The following COLQ variants were observed in gnomAD, a reference collection of about 807,000 sequenced individuals.
COLQ encodes collagen like tail subunit of asymmetric acetylcholinesterase.
In COLQ, 48 loss-of-function variants were observed where a neutral mutation model predicts 69.0. That is an observed-to-expected ratio of 0.70 (90% CI 0.55 to 0.88). COLQ has a LOEUF of 0.88. Ranked by LOEUF, COLQ falls within the 40% of genes least tolerant of loss-of-function variation. The pLI is 0.00. For missense variants in COLQ, 618 were observed against 594.6 expected (o/e 1.04, Z -0.41); for synonymous variants, 217 against 211.2 (o/e 1.03, Z -0.24).
intron 16 of COLQ, among the ~76,000 whole-genome samples, 170 bp from the exon 17 acceptor site, chr3:15,451,883 C>T (rs1254767293): frequency 3.3e-5 from 5 of 152,070 alleles, no homozygotes; most frequent in African/African-American, 1.2e-4. Flanking sequence ...GGGATTTTTG[C>T]CTTGAGGTCT....
Position 15,470,631 on chromosome 3 carries a change from A to C in COLQ, c.637-15T>G. ...CCCATTTCACCCTGGAAAGAAGGAA[A>C]GAGAAGCAAGAGAGGACTTAGGGCA... On this transcript the variant is annotated splice_polypyrimidine_tract_variant and intron_variant, in intron 10 of 16. Coordinates refer to ENST00000383788, the MANE Select transcript of COLQ (RefSeq NM_005677.4). 6.2e-7 allele frequency: 1 copy of C among 1,613,452 alleles called. No individual in the cohort carries two copies. The highest frequency in any genetic ancestry group is 1.1e-5 in the South Asian group (1 of 91,058).
chr3:15,478,033 G>A (rs2062410441), intron 5 of COLQ, among the ~76,000 whole-genome samples: 1 of 152,182 alleles, frequency 6.6e-6, no homozygotes. Flanking sequence ...GAGATGTGAA[G>A]GGCTCAGCCC....
chr3:15,459,646 T>C (rs1869854), intron 12 of COLQ, among the ~76,000 whole-genome samples: 2,957 of 151,850 alleles, frequency 0.019, 90 homozygotes, highest in African/African-American at 0.066. Context: ...GTTTGGCTAA[T>C]TTTTGTGTTT....
intron 1 of COLQ, among the ~76,000 whole-genome samples, chr3:15,511,513 T>C (rs553531606): frequency 6.6e-6 from 1 of 152,124 alleles, no homozygotes; most frequent in East Asian, 1.9e-4. Context: ...ATCCTCACTT[T>C]CTACTGGCAG....
intron 11 of COLQ, among the ~76,000 whole-genome samples, chr3:15,469,746 G>A (rs1164719600): frequency 1.3e-5 from 2 of 152,190 alleles, no homozygotes; most frequent in East Asian, 1.9e-4. Flanking sequence ...TAGGCACTGG[G>A]GATGAGGAGT....
At chr3:15,509,749 G>A (rs1474965612) in intron 1 of COLQ, among the ~76,000 whole-genome samples, 2 of 152,176 alleles carry the variant, frequency 1.3e-5, no homozygotes, top group African/African-American at 2.4e-5. Context: ...TGATATCCAA[G>A]GTCCTGTGGA....
chr3:15,452,830 G>A (rs952443320), intron 16 of COLQ, among the ~76,000 whole-genome samples: 2 of 152,202 alleles, frequency 1.3e-5, no homozygotes, highest in Non-Finnish European at 2.9e-5. Context: ...GCTAATATCT[G>A]AGTGTTAGGG....
intron 1 of COLQ, among the ~76,000 whole-genome samples, chr3:15,504,676 T>C (rs2062881344): frequency 6.6e-6 from 1 of 152,146 alleles, no homozygotes; most frequent in Non-Finnish European, 1.5e-5. Flanking sequence ...CTGGCCAACA[T>C]GGTGAAACCC....
chr3:15,463,352 TTTTG>T (rs777109449), intron 12 of COLQ, among the ~76,000 whole-genome samples: 2 of 151,476 alleles, frequency 1.3e-5, no homozygotes, highest in African/African-American at 4.9e-5. Flanking sequence ...GTTTTTTGTT[TTTTG>T]TTTTTTTTGA....
chr3:15,470,098 T>C (rs1418867316), intron 11 of COLQ, among the ~76,000 whole-genome samples: 12 of 152,056 alleles, frequency 7.9e-5, no homozygotes, highest in Admixed American at 7.2e-4. Flanking sequence ...GAGGCCTGAG[T>C]AGGGAAAAAC....
rs1485412674 is a variant in COLQ, at chr3:15,451,315, T to G, written c.*329A>C. The G allele has an allele frequency of 2.1e-6, 1 of 471,638 alleles. No homozygotes were observed. The allele number at this position is 471,638 out of a possible 1,614,324, so 29.2% of individuals were successfully genotyped here. A position where few individuals can be genotyped will look rare whatever the true frequency, so the allele number is the denominator to read the frequency against. On this transcript the variant is annotated 3_prime_UTR_variant, in exon 17 of 17. Coordinates refer to ENST00000383788, the MANE Select transcript of COLQ (RefSeq NM_005677.4). Reference sequence around the variant, plus strand: ...CTGCAGGTCTGTGTGTGTCTAACAGTGCTCAGCCAAGTCCACGGCCTGGGT... The same window carrying G: ...CTGCAGGTCTGTGTGTGTCTAACAGGGCTCAGCCAAGTCCACGGCCTGGGT...
chr3:15,482,273 T>A (rs1012629068), intron 3 of COLQ, among the ~76,000 whole-genome samples: 2 of 152,246 alleles, frequency 1.3e-5, no homozygotes, highest in Non-Finnish European at 2.9e-5. Flanking sequence ...AGAGAGGGCA[T>A]CCCTGTCTTG....
At chr3:15,476,916 C>G (rs908643233) in intron 6 of COLQ, among the ~76,000 whole-genome samples, 2 of 152,212 alleles carry the variant, frequency 1.3e-5, no homozygotes, top group African/African-American at 4.8e-5. Flanking sequence ...TTTCTCCTCC[C>G]ACAGGAACAG....
intron 1 of COLQ, among the ~76,000 whole-genome samples, chr3:15,495,696 T>C (rs1017930930): frequency 2.6e-5 from 4 of 152,194 alleles, no homozygotes; most frequent in Non-Finnish European, 5.9e-5. Context: ...CAGCTCCAGC[T>C]GTCACGGGCT....
At chr3:15,485,323 C>A (rs1005904870) in intron 3 of COLQ, among the ~76,000 whole-genome samples, 2 of 152,188 alleles carry the variant, frequency 1.3e-5, no homozygotes, top group African/African-American at 4.8e-5. Flanking sequence ...GGAGGTGTCT[C>A]CCAGTTAGGC....
rs56366273 is a variant in COLQ at position 15,455,680 on chromosome 3, C to T, written c.1195+219G>A. On this transcript the variant is annotated intron_variant, in intron 15 of 16. Transcript: ENST00000383788. ...GCCTAACTGGGGGCAGGATCCTTGA[C>T]ATCCGCCCCTGGTGAGGTGCTTGGG... Among the ~76,000 whole-genome samples the T allele has an allele frequency of 0.022, 3,321 of 152,330 alleles. 101 individuals are homozygous for T. The highest frequency in any genetic ancestry group is 0.073 in the African/African-American group (3,048 of 41,562).
At chr3:15,477,387 C>T in intron 5 of COLQ, 190 bp from the exon 6 acceptor site, 1 of 594,546 alleles carries the variant, frequency 1.7e-6, no homozygotes, top group Non-Finnish European at 3.0e-6. Flanking sequence ...TCAAATAAGA[C>T]CTTATTCTTC....
chr3:15,501,441 G>A (rs1357160944), intron 1 of COLQ, among the ~76,000 whole-genome samples: 2 of 152,134 alleles, frequency 1.3e-5, no homozygotes, highest in African/African-American at 4.8e-5. Context: ...GCCTTCCCAG[G>A]GATCCAGAGG....
At chr3:15,458,446 C>T in intron 12 of COLQ, 121 bp from the exon 13 acceptor site, 1 of 1,094,538 alleles carries the variant, frequency 9.1e-7, no homozygotes, top group South Asian at 1.3e-5. Flanking sequence ...TCAGGGTATG[C>T]CTGAGGGAGA....
Sources: gnomAD v4.1 joint callset for allele counts (sites outside exome capture counted in the v4.1 genomes callset) on GRCh38, gnomAD v4.1.1 for gene constraint, MANE v1.5 for transcripts, NCBI Gene and HGNC (gene_info 2026-07-23, HGNC 2026-07-21) for gene names.